Variants in KCNQ5 observed in about 807,000 individuals in gnomAD.
The protein encoded by KCNQ5 is potassium voltage-gated channel subfamily KQT member 5.
In KCNQ5, 30 loss-of-function variants were observed where a neutral mutation model predicts 98.2. That is an observed-to-expected ratio of 0.31 (90% CI 0.23 to 0.41). KCNQ5 has a LOEUF of 0.41. Ranked by LOEUF, KCNQ5 falls within the 10% of genes least tolerant of loss-of-function variation. The probability of loss-of-function intolerance (pLI) is 1.00; values close to 1 mark genes in which losing one functional copy is unlikely to be tolerated. For missense variants in KCNQ5, 835 were observed against 1,182.5 expected (o/e 0.71, Z 4.31); for synonymous variants, 458 against 449.4 (o/e 1.02, Z -0.24).
At chr6:73,174,798 G>A (rs182050764) in intron 11 of KCNQ5, among the ~76,000 whole-genome samples, 15 of 152,324 alleles carry the variant, frequency 9.8e-5, no homozygotes, top group African/African-American at 3.1e-4. Flanking sequence ...AGTAAGGAAT[G>A]AATAAATGAA....
At chr6:72,950,742 C>T (rs189845054) in intron 1 of KCNQ5, among the ~76,000 whole-genome samples, 1 of 152,312 alleles carries the variant, frequency 6.6e-6, no homozygotes, top group East Asian at 1.9e-4. Flanking sequence ...CAATTCCAAT[C>T]TAGCATGATC....
intron 1 of KCNQ5, among the ~76,000 whole-genome samples, chr6:72,670,608 A>T (rs1244887063): frequency 6.6e-6 from 1 of 152,204 alleles, no homozygotes; most frequent in African/African-American, 2.4e-5. Context: ...AACGACATGA[A>T]TTTATTTTCT....
intron 1 of KCNQ5, among the ~76,000 whole-genome samples, chr6:72,725,624 A>G (rs1012544016): frequency 6.6e-6 from 1 of 152,168 alleles, no homozygotes. Context: ...GGTGACTATA[A>G]TAAAAATGCA....
At chr6:72,839,210 T>G (rs1310796103) in intron 1 of KCNQ5, among the ~76,000 whole-genome samples, 1 of 152,214 alleles carries the variant, frequency 6.6e-6, no homozygotes, top group Non-Finnish European at 1.5e-5. Flanking sequence ...GAAATACACT[T>G]TCTTGCAGAT....
chr6:72,763,432 C>T (rs1431898343), intron 1 of KCNQ5, among the ~76,000 whole-genome samples: 1 of 151,944 alleles, frequency 6.6e-6, no homozygotes, highest in Non-Finnish European at 1.5e-5. Flanking sequence ...TATTATTTCC[C>T]AAAAGTTTGC....
intron 7 of KCNQ5, among the ~76,000 whole-genome samples, chr6:73,120,056 G>C (rs886195187): frequency 2.0e-5 from 3 of 147,870 alleles, no homozygotes; most frequent in Middle Eastern, 3.2e-3. Flanking sequence ...TGGCCAGCAT[G>C]GTGAAACTCC....
rs185839312 is a variant in KCNQ5, at chr6:72,844,658, T to A, written c.399-159250T>A. 7.6e-4 allele frequency among the ~76,000 whole-genome samples: 116 copies of A among 152,246 alleles called. No individual in the cohort carries two copies. The Middle Eastern group carries it at 0.01, about 13-fold the overall frequency. On this transcript the variant is annotated intron_variant, in intron 1 of 13. Transcript: ENST00000370398. ...TTGCATAAAAGCAAAATTATACCAA[T>A]GAAAATAAAAGGCCTCCATAAAAAT... is the stretch of plus-strand genomic sequence containing the variant.
At position 73,025,623 on chromosome 6, in the gene KCNQ5, C is replaced by CAAAAAAAAAAAAAAAAAAAAA. The variant is rs58607159; in HGVS notation, c.490-16297_490-16277dup. ...GGGCGACAAGAGCAAAACTCCATCT[C>CAAAAAAAAAAAAAAAAAAAAA]AAAAAAAAAAAAAAAAAAAAAAAAA... On this transcript the variant is annotated intron_variant, in intron 2 of 13. Coordinates refer to ENST00000370398, the MANE Select transcript of KCNQ5 (RefSeq NM_019842.4). Among the ~76,000 whole-genome samples, 41 of 52,994 alleles carry CAAAAAAAAAAAAAAAAAAAAA rather than the reference C, an allele frequency of 7.7e-4. 1 individual carries two copies. Among genetic ancestry groups the CAAAAAAAAAAAAAAAAAAAAA allele is most frequent in the Non-Finnish European group, 1.8e-3 (33 of 18,148 alleles). The allele number at this position is 52,994 out of a possible 152,430, so 34.8% of individuals were successfully genotyped here.
At chr6:72,953,937 C>T (rs572766529) in intron 1 of KCNQ5, among the ~76,000 whole-genome samples, 22 of 152,202 alleles carry the variant, frequency 1.4e-4, no homozygotes, top group Non-Finnish European at 2.8e-4. Context: ...TCTTTCTGCA[C>T]CCCAGATTTT....
At position 72,871,765 on chromosome 6, in the gene KCNQ5, A is replaced by C. The variant is rs978383723; in HGVS notation, c.399-132143A>C. ...GTAATGTACTCTGACTCTGTACATA[A>C]AGTTACCTCTCCCACCTTCTCCCAC... On this transcript the variant is annotated intron_variant, in intron 1 of 13. Coordinates refer to ENST00000370398, the MANE Select transcript of KCNQ5 (RefSeq NM_019842.4). 5.3e-5 allele frequency among the ~76,000 whole-genome samples: 8 copies of C among 152,176 alleles called. No homozygotes were observed. In the East Asian group the frequency reaches 1.5e-3, roughly 29 times the overall value.
At chr6:73,119,400 CT>C (rs2150437513) in intron 7 of KCNQ5, among the ~76,000 whole-genome samples, 1 of 152,324 alleles carries the variant, frequency 6.6e-6, no homozygotes, top group Admixed American at 6.5e-5. Flanking sequence ...TTAATTCACA[CT>C]TTGATGGTGA....
intron 1 of KCNQ5, among the ~76,000 whole-genome samples, chr6:72,994,524 A>G (rs2150313441): frequency 7.0e-6 from 1 of 143,420 alleles, no homozygotes; most frequent in South Asian, 2.4e-4. Context: ...TGGCTCGCGC[A>G]CGGTGCGCAC....
At chr6:72,735,252 A>G (rs1405767348) in intron 1 of KCNQ5, among the ~76,000 whole-genome samples, 1 of 152,246 alleles carries the variant, frequency 6.6e-6, no homozygotes, top group Non-Finnish European at 1.5e-5. Context: ...AAAGAATTAT[A>G]CAGTTCAGGA....
intron 1 of KCNQ5, among the ~76,000 whole-genome samples, chr6:72,629,154 A>C (rs2098919487): frequency 6.6e-6 from 1 of 152,218 alleles, no homozygotes; most frequent in African/African-American, 2.4e-5. Context: ...CCCTTGTGGC[A>C]GATGGAATTT....
intron 1 of KCNQ5, among the ~76,000 whole-genome samples, chr6:72,981,441 T>C (rs1582132263): frequency 6.6e-6 from 1 of 152,212 alleles, no homozygotes; most frequent in African/African-American, 2.4e-5. Flanking sequence ...TTAGTTTATT[T>C]GCAGAGAGGT....
intron 1 of KCNQ5, among the ~76,000 whole-genome samples, chr6:72,628,252 C>G (rs2098918986): frequency 6.6e-6 from 1 of 152,112 alleles, no homozygotes; most frequent in Non-Finnish European, 1.5e-5. Flanking sequence ...ACGTAAGATA[C>G]TGACGATTCA....
intron 1 of KCNQ5, among the ~76,000 whole-genome samples, chr6:72,726,771 A>G (rs1010882123): frequency 3.9e-5 from 6 of 152,218 alleles, no homozygotes; most frequent in African/African-American, 1.4e-4. Context: ...ACAGTGAGGA[A>G]TAAAATAGAG....
chr6:72,708,565 G>A (rs1489405553), intron 1 of KCNQ5, among the ~76,000 whole-genome samples: 1 of 152,164 alleles, frequency 6.6e-6, no homozygotes, highest in Non-Finnish European at 1.5e-5. Context: ...CTGTTGCCCA[G>A]GCTGGAGTGC....
chr6:72,684,140 G>A (rs961786031), intron 1 of KCNQ5, among the ~76,000 whole-genome samples: 7 of 152,146 alleles, frequency 4.6e-5, no homozygotes, highest in Admixed American at 2.6e-4. Flanking sequence ...CAAAAAGCCC[G>A]ACATGATTCT....
Sources: gnomAD v4.1 joint callset for allele counts (sites outside exome capture counted in the v4.1 genomes callset) on GRCh38, gnomAD v4.1.1 for gene constraint, MANE v1.5 for transcripts, NCBI Gene and HGNC (gene_info 2026-07-23, HGNC 2026-07-21) for gene names.